Variants in DOCK10 observed in about 807,000 individuals in gnomAD.
DOCK10 encodes the protein dedicator of cytokinesis protein 10.
DOCK10 carries 145 observed loss-of-function variants against 280.1 expected under a neutral mutation model. The ratio of observed to expected loss-of-function variants is 0.52; its 90% CI spans 0.45 to 0.59. The LOEUF (loss-of-function observed/expected upper bound fraction) is 0.59, where lower values mean the gene tolerates loss of function less well. DOCK10 is among the 20% of genes least tolerant of loss of function. DOCK10 has a pLI of 0.00. For missense variants in DOCK10, 2,368 were observed against 2,651.7 expected, an observed-to-expected ratio of 0.89 and a Z score of 2.35; for synonymous variants, 915 against 942.2, an observed-to-expected ratio of 0.97 and a Z score of 0.53.
chr2:224,943,761 C>CTT (rs67538456), intron 1 of DOCK10, among the ~76,000 whole-genome samples: 21 of 107,420 alleles, frequency 2.0e-4, no homozygotes, highest in Admixed American at 6.0e-4. Flanking sequence ...TTTTTCTTTT[C>CTT]TTTTTTTTTT....
chr2:225,023,042 T>C (rs2106105514), intron 1 of DOCK10, among the ~76,000 whole-genome samples: 1 of 149,902 alleles, frequency 6.7e-6, no homozygotes, highest in East Asian at 1.9e-4. Context: ...CAAGACAACT[T>C]TTTTTTTTTT....
intron 50 of DOCK10, among the ~76,000 whole-genome samples, chr2:224,783,722 C>A (rs554904098): frequency 1.3e-5 from 2 of 151,202 alleles, no homozygotes; most frequent in Non-Finnish European, 2.9e-5. Context: ...CCACTGCCCC[C>A]CCTCAGTCTA....
intron 1 of DOCK10, among the ~76,000 whole-genome samples, chr2:225,011,891 C>T (rs568584617): frequency 1.8e-4 from 27 of 152,204 alleles, no homozygotes; most frequent in African/African-American, 4.3e-4. Context: ...CATGCCCCAA[C>T]GAGAACATCA....
At chr2:224,836,692 C>T (rs1230982921) in intron 25 of DOCK10, among the ~76,000 whole-genome samples, 16 of 151,788 alleles carry the variant, frequency 1.1e-4, no homozygotes, top group African/African-American at 2.7e-4. Flanking sequence ...CTCTGCCTCC[C>T]GGGTTCACGC....
intron 3 of DOCK10, among the ~76,000 whole-genome samples, chr2:224,908,686 A>G (rs749210725): frequency 5.9e-5 from 9 of 152,088 alleles, no homozygotes; most frequent in Non-Finnish European, 1.0e-4. Flanking sequence ...TTTTAGAGAT[A>G]GAGTCTCACT....
At position 224,806,230 on chromosome 2, in the gene DOCK10, C is replaced by T; in HGVS notation, c.3710G>A (p.Arg1237Lys). 1 of 1,590,166 alleles carries T rather than the reference C, an allele frequency of 6.3e-7. No individual in the cohort carries two copies. The highest frequency in any genetic ancestry group is 8.6e-7 in the Non-Finnish European group (1 of 1,162,260). Residue 1237 changes from arginine to lysine, a missense_variant, in exon 34 of 56, where the codon AGA (arginine) becomes AAA (lysine). Transcript: ENST00000258390. Reference sequence around the variant, plus strand: ...TCCTCCATTGGTGCTTAGATCATCTCTAGACCCCTGTATTCAAAGTATAGT... The same window carrying T: ...TCCTCCATTGGTGCTTAGATCATCTTTAGACCCCTGTATTCAAAGTATAGT... ...FTVNTSNQGS[R>K]DDLSTNGGFQ...
intron 7 of DOCK10, among the ~76,000 whole-genome samples, chr2:224,881,436 A>G (rs920782750): frequency 3.3e-5 from 5 of 152,196 alleles, no homozygotes; most frequent in Admixed American, 3.3e-4. Flanking sequence ...CTCCACATGA[A>G]CATATCTTTG....
intron 1 of DOCK10, among the ~76,000 whole-genome samples, chr2:225,033,435 G>A (rs6754138): frequency 0.054 from 8,237 of 152,070 alleles, 737 homozygotes; most frequent in African/African-American, 0.19. Context: ...CTCCCATCTC[G>A]GTCTCCCAAA....
At chr2:224,903,607 A>G (rs2125868182) in intron 3 of DOCK10, among the ~76,000 whole-genome samples, 1 of 152,342 alleles carries the variant, frequency 6.6e-6, no homozygotes, top group Admixed American at 6.5e-5. Flanking sequence ...GATGGATGGT[A>G]CTAAAACACC....
intron 51 of DOCK10, among the ~76,000 whole-genome samples, chr2:224,775,743 G>A (rs1308318212): frequency 1.3e-5 from 2 of 152,194 alleles, no homozygotes; most frequent in Admixed American, 1.3e-4. Context: ...CCAAAGTGCT[G>A]GGATTAGAGC....
chr2:224,825,050 G>C (rs928322958), intron 27 of DOCK10, among the ~76,000 whole-genome samples: 3 of 146,918 alleles, frequency 2.0e-5, no homozygotes, highest in African/African-American at 7.6e-5. Flanking sequence ...TACGATCTCA[G>C]ATCACTGCAA....
chr2:224,899,448 A>C (rs541144640), intron 3 of DOCK10, among the ~76,000 whole-genome samples: 3 of 152,322 alleles, frequency 2.0e-5, no homozygotes, highest in Non-Finnish European at 4.4e-5. Context: ...GCCCTCTTGG[A>C]TTGACCTCCT....
chr2:224,817,533 A>G (rs1694207681), intron 29 of DOCK10, among the ~76,000 whole-genome samples: 1 of 152,212 alleles, frequency 6.6e-6, no homozygotes, highest in Non-Finnish European at 1.5e-5. Context: ...CCATTTCAAA[A>G]AGGATAATAT....
rs775881219 is a variant in DOCK10 at position 224,770,414 on chromosome 2, G to A, written c.6306-65C>T. On this transcript the variant is annotated intron_variant, in intron 54 of 55. Transcript: ENST00000258390. This position sits in a 1 kb window ranked among gnomAD's most constrained non-coding sequence, Gnocchi z 4.5. ...GGAAGTGGCATTGAGCTCAGTGACT[G>A]TGAGTTCAGAGTCAGGCTGCTGATG... is the stretch of plus-strand genomic sequence containing the variant. 270 of 1,557,284 alleles carry A rather than the reference G, an allele frequency of 1.7e-4. No homozygotes were observed. The highest frequency in any genetic ancestry group is 2.2e-4 in the Non-Finnish European group (256 of 1,147,778).
rs116987563 is a variant in DOCK10 at position 224,780,989 on chromosome 2, C to T, written c.5656-2705G>A. Among the ~76,000 whole-genome samples the T allele has an allele frequency of 5.3e-5, 8 of 152,176 alleles. No individual in the cohort carries two copies. In the East Asian group the frequency reaches 1.5e-3, roughly 29 times the overall value. On this transcript the variant is annotated intron_variant, in intron 50 of 55. Coordinates refer to ENST00000258390, the MANE Select transcript of DOCK10 (RefSeq NM_014689.3). ...GGGCTGTGGGATGGGAAAATTCAGACTCAGCAACCTACTTACTGGGAGGCT... is the reference window on the plus strand; with the variant it reads ...GGGCTGTGGGATGGGAAAATTCAGATTCAGCAACCTACTTACTGGGAGGCT...
At chr2:224,927,817 T>C (rs960988090) in intron 2 of DOCK10, among the ~76,000 whole-genome samples, 3 of 151,990 alleles carry the variant, frequency 2.0e-5, no homozygotes, top group South Asian at 2.1e-4. Context: ...TAATGAATCA[T>C]GTGTGCTGCA....
At chr2:225,036,637 C>T (rs1690266916) in intron 1 of DOCK10, among the ~76,000 whole-genome samples, 1 of 152,146 alleles carries the variant, frequency 6.6e-6, no homozygotes, top group Non-Finnish European at 1.5e-5. Context: ...AATGACGAGA[C>T]TCTATCACAC....
chr2:224,942,253 A>G (rs1037781325), intron 1 of DOCK10, among the ~76,000 whole-genome samples: 54 of 152,222 alleles, frequency 3.5e-4, no homozygotes, highest in African/African-American at 1.3e-3. Flanking sequence ...CTAACTGTTC[A>G]GTGTTGCAGC....
intron 2 of DOCK10, among the ~76,000 whole-genome samples, chr2:224,920,296 G>C (rs189111189): frequency 6.8e-6 from 1 of 148,116 alleles, no homozygotes; most frequent in East Asian, 2.0e-4. Flanking sequence ...ATGGTCTCCA[G>C]CTCCTGGACT....
Sources: gnomAD v4.1 joint callset for allele counts (sites outside exome capture counted in the v4.1 genomes callset) on GRCh38, gnomAD v4.1.1 for gene constraint, Gnocchi (gnomAD v3.1) non-coding constraint, MANE v1.5 for transcripts, NCBI Gene and HGNC (gene_info 2026-07-23, HGNC 2026-07-21) for gene names.